SV2C: variants seen among roughly 807,000 people sequenced by gnomAD.
The protein encoded by SV2C is synaptic vesicle glycoprotein 2C.
Under a neutral mutation model 79.7 loss-of-function variants are expected in SV2C, and 49 were observed. The observed-to-expected ratio is 0.61, with a 90% CI of 0.49 to 0.78. SV2C has a LOEUF of 0.78. SV2C is among the 30% of genes least tolerant of loss of function. The probability of loss-of-function intolerance (pLI) is 0.00; values close to 1 mark genes in which losing one functional copy is unlikely to be tolerated. For synonymous variants in SV2C, 334 were observed against 333.2 expected, an observed-to-expected ratio of 1.00 and a Z score of -0.03; for missense variants, 833 against 912.9, an observed-to-expected ratio of 0.91 and a Z score of 1.13.
chr5:76,001,388 C>T, the SV2C span, among the ~76,000 whole-genome samples: 3 of 152,256 alleles, frequency 2.0e-5, no homozygotes, highest in South Asian at 6.2e-4. Context: ...ATCATGAGGT[C>T]AGGAGATTGA....
intron 2 of SV2C, among the ~76,000 whole-genome samples, chr5:76,152,194 C>G (rs1438596097): frequency 6.6e-6 from 1 of 152,136 alleles, no homozygotes; most frequent in Admixed American, 6.5e-5. Flanking sequence ...TGGAGGGTGG[C>G]AGGGACAGAT....
rs530135475 is a variant in SV2C at position 76,255,820 on chromosome 5, A to G, written c.914-29342A>G. ...CCTCACCTGAGACTCTCATCTCCGC[A>G]GCCACCTCCCACCAAATGCCCAGTT... is the stretch of plus-strand genomic sequence containing the variant. On this transcript the variant is annotated intron_variant, in intron 4 of 12. Transcript: ENST00000502798. Among the ~76,000 whole-genome samples the G allele has an allele frequency of 8.3e-4, 126 of 152,230 alleles. 1 individual carries two copies. The highest frequency in any genetic ancestry group is 2.9e-3 in the African/African-American group (121 of 41,534).
At chr5:75,880,238 A>T in the SV2C span, among the ~76,000 whole-genome samples, 2 of 151,900 alleles carry the variant, frequency 1.3e-5, no homozygotes, top group African/African-American at 4.8e-5. Flanking sequence ...CCTTTTAGAC[A>T]TGCAAATAAC....
chr5:76,155,671 C>T (rs1227232590), intron 2 of SV2C, among the ~76,000 whole-genome samples: 1 of 152,094 alleles, frequency 6.6e-6, no homozygotes, highest in South Asian at 2.1e-4. Context: ...TATCCTTGCC[C>T]TTGCTTGAAA....
the SV2C span, among the ~76,000 whole-genome samples, chr5:75,917,611 A>G: frequency 6.6e-6 from 1 of 152,178 alleles, no homozygotes; most frequent in East Asian, 1.9e-4. Context: ...AGATATAAAA[A>G]TCAAAACAAT....
the SV2C span, among the ~76,000 whole-genome samples, chr5:76,036,660 C>T: frequency 6.6e-6 from 1 of 152,194 alleles, no homozygotes; most frequent in East Asian, 1.9e-4. Flanking sequence ...CAACCTTTGT[C>T]TCTGGCTGCC....
the SV2C span, among the ~76,000 whole-genome samples, chr5:75,875,918 A>G: frequency 6.6e-6 from 1 of 152,160 alleles, no homozygotes; most frequent in Non-Finnish European, 1.5e-5. Flanking sequence ...TAAAAAGTCA[A>G]CAAATAACAG....
chr5:76,248,623 A>ATTT (rs369098544), intron 4 of SV2C, among the ~76,000 whole-genome samples: 1 of 143,386 alleles, frequency 7.0e-6, no homozygotes, highest in African/African-American at 2.6e-5. Flanking sequence ...GTGCTCAGTG[A>ATTT]TTTTTTTTTT....
At chr5:76,002,883 G>A in the SV2C span, among the ~76,000 whole-genome samples, 68,830 of 151,310 alleles carry the variant, frequency 0.45, 16,523 homozygotes, top group Middle Eastern at 0.62. Context: ...TTTAAAATAT[G>A]TAAATAAAGT....
At chr5:76,002,927 C>T in the SV2C span, among the ~76,000 whole-genome samples, 10 of 151,708 alleles carry the variant, frequency 6.6e-5, no homozygotes, top group Non-Finnish European at 1.0e-4. Flanking sequence ...TGGGCTGTGT[C>T]CCCACCCAAA....
In SV2C at chr5:76,333,564, CT is replaced by C; in HGVS notation, c.*8018del. The C allele has an allele frequency of 6.6e-6, 1 of 152,176 alleles. No individual in the cohort carries two copies. The highest frequency in any genetic ancestry group is 1.9e-4 in the East Asian group (1 of 5,178). 9.4% of individuals were successfully genotyped at this position (152,176 alleles called of 1,614,324 possible). Reference sequence around the variant, plus strand: ...TGTTTTTAATGCTGTGTAAGATCTCCTGCTATGAATGTTCCAGTTACCCCTA... The same window carrying C: ...TGTTTTTAATGCTGTGTAAGATCTCCGCTATGAATGTTCCAGTTACCCCTA... On this transcript the variant is annotated 3_prime_UTR_variant, in exon 13 of 13. Coordinates refer to ENST00000502798, the MANE Select transcript of SV2C (RefSeq NM_014979.4).
the SV2C span, among the ~76,000 whole-genome samples, chr5:75,847,961 T>A: frequency 8.3e-4 from 126 of 152,194 alleles, 1 homozygote; most frequent in African/African-American, 2.4e-3. Flanking sequence ...AAAGCCCAGC[T>A]CCATGCCAGC....
chr5:76,232,868 A>G (rs1375126236), intron 4 of SV2C, among the ~76,000 whole-genome samples: 2 of 143,526 alleles, frequency 1.4e-5, no homozygotes, highest in Non-Finnish European at 2.9e-5. Flanking sequence ...GAAGTCAGGT[A>G]TTGTGATGCC....
At chr5:76,061,363 T>G in the SV2C span, among the ~76,000 whole-genome samples, 2 of 151,148 alleles carry the variant, frequency 1.3e-5, no homozygotes, top group Non-Finnish European at 2.9e-5. Flanking sequence ...TATTAAATCA[T>G]TTCCAAAGGT....
At chr5:76,140,074 A>G (rs1749202753) in intron 2 of SV2C, among the ~76,000 whole-genome samples, 1 of 152,144 alleles carries the variant, frequency 6.6e-6, no homozygotes, top group Non-Finnish European at 1.5e-5. Flanking sequence ...GTTTTACTTA[A>G]AACTTTCCTT....
chr5:76,214,413 C>A (rs1036322105), intron 4 of SV2C, among the ~76,000 whole-genome samples: 1 of 152,180 alleles, frequency 6.6e-6, no homozygotes, highest in Non-Finnish European at 1.5e-5. Context: ...TATGCCAGTA[C>A]TATGCTATTT....
intron 4 of SV2C, among the ~76,000 whole-genome samples, chr5:76,240,306 T>C (rs1379759277): frequency 6.6e-6 from 1 of 152,208 alleles, no homozygotes; most frequent in Non-Finnish European, 1.5e-5. Flanking sequence ...AGCAGATGTA[T>C]TTTGACACAT....
the SV2C span, among the ~76,000 whole-genome samples, chr5:75,909,915 C>T: frequency 6.6e-6 from 1 of 152,174 alleles, no homozygotes; most frequent in Admixed American, 6.5e-5. Flanking sequence ...ATGATCCATC[C>T]ACAGACACAA....
intron 4 of SV2C, among the ~76,000 whole-genome samples, chr5:76,247,543 AT>A (rs1227696102): frequency 6.6e-6 from 1 of 152,208 alleles, no homozygotes; most frequent in Non-Finnish European, 1.5e-5. Context: ...CTGTGTGTTC[AT>A]TTCAGATTAT....
Sources: gnomAD v4.1 joint callset for allele counts (sites outside exome capture counted in the v4.1 genomes callset) on GRCh38, gnomAD v4.1.1 for gene constraint, MANE v1.5 for transcripts, NCBI Gene and HGNC (gene_info 2026-07-23, HGNC 2026-07-21) for gene names.